TNXB: variants seen among roughly 807,000 people sequenced by gnomAD.
TNXB encodes the protein tenascin-X.
In TNXB, 183 loss-of-function variants were observed where a neutral mutation model predicts 340.5. The ratio of observed to expected loss-of-function variants is 0.54; its 90% CI spans 0.48 to 0.61. TNXB has a LOEUF of 0.61. TNXB is among the 20% of genes least tolerant of loss of function. TNXB has a pLI of 0.00. For synonymous variants in TNXB, 2,121 were observed against 2,314.5 expected (o/e 0.92, Z 2.40); for missense variants, 4,613 against 5,446.4 (o/e 0.85, Z 4.82).
rs573566455 is a variant in TNXB, at chr6:32,046,608, A to G, written c.10325-152T>C. 3,573 of 619,396 alleles carry G rather than the reference A, an allele frequency of 5.8e-3. 32 individuals are homozygous for G. The highest frequency in any genetic ancestry group is 8.3e-3 in the Non-Finnish European group (3,188 of 384,442). 38.4% of individuals were successfully genotyped at this position (619,396 alleles called of 1,614,324 possible). On this transcript the variant is annotated intron_variant, in intron 30 of 43. Transcript: ENST00000644971. This position sits in a 1 kb window ranked among gnomAD's most constrained non-coding sequence, Gnocchi z 6.9. ...GGAGACACACAGGCCTGCTCCCGCCATGCCCCACAGGAATGAGGGAGAACA... is the reference window on the plus strand; with the variant it reads ...GGAGACACACAGGCCTGCTCCCGCCGTGCCCCACAGGAATGAGGGAGAACA...
chr6:32,082,143 C>T lies in TNXB; in HGVS notation c.3629G>A (p.Arg1210His), dbSNP rs1194335452. ...PQVVPVEGPE[R>H]SFVVSSLDPD... ...GTCCAGTGAGGAGACAACAAATGAACGCTCGGGCCCTTCCACAGGTACCAC... is the reference window on the plus strand; with the variant it reads ...GTCCAGTGAGGAGACAACAAATGAATGCTCGGGCCCTTCCACAGGTACCAC... Residue 1210 changes from arginine to histidine, a missense_variant, in exon 9 of 44, where the codon CGT becomes CAT. Physicochemically the swap from Arg to His is conservative, Grantham distance 29 (BLOSUM62 0). Coordinates refer to ENST00000644971, the MANE Select transcript of TNXB (RefSeq NM_001365276.2). This position sits in a 1 kb window ranked among gnomAD's most constrained non-coding sequence, Gnocchi z 5.0. 9.9e-6 allele frequency: 16 copies of T among 1,611,658 alleles called. No homozygotes were observed. Among genetic ancestry groups the T allele is most frequent in the African/African-American group, 2.7e-5 (2 of 75,000 alleles).
intron 6 of TNXB, 57 bp downstream of exon 6, chr6:32,088,728 G>A (rs1174177888): frequency 1.3e-6 from 2 of 1,530,662 alleles, no homozygotes; most frequent in Non-Finnish European, 1.8e-6. Flanking sequence ...GGCTCCTGAG[G>A]AGGAGGATCC....
Position 32,087,234 on chromosome 6 carries a change from GC to G in TNXB, c.2780-1117del. The G allele has an allele frequency of 2.0e-6, 1 of 496,764 alleles. No homozygotes were observed. Among genetic ancestry groups the G allele is most frequent in the Admixed American group, 2.1e-5 (1 of 48,022 alleles). 30.8% of individuals were successfully genotyped at this position (496,764 alleles called of 1,614,324 possible). A position where few individuals can be genotyped will look rare whatever the true frequency, so the allele number is the denominator to read the frequency against. On this transcript the variant is annotated intron_variant, in intron 6 of 43. Transcript: ENST00000644971. This position sits in a 1 kb window ranked among gnomAD's most constrained non-coding sequence, Gnocchi z 9.0. ...CTGGACAAGGGATAGGTGTCCCGTG[GC>G]CCCAGCCCACACTACCTGTGGTGGT... is the stretch of plus-strand genomic sequence containing the variant.
Position 32,097,071 on chromosome 6 carries a change from C to T in TNXB, c.782G>A (p.Gly261Asp), listed in dbSNP as rs1780446308. 1 of 1,612,804 alleles carries T rather than the reference C, an allele frequency of 6.2e-7. No individual in the cohort carries two copies. The highest frequency in any genetic ancestry group is 8.5e-7 in the Non-Finnish European group (1 of 1,179,494). ...RGCSQRGRCEGGRCVCDPGYT... is the reference protein window; with the variant it reads ...RGCSQRGRCEDGRCVCDPGYT... The stretch of plus-strand genomic sequence containing the variant: ...GCCTGGGTCACACACGCAGCGCCCA[C>T]CCTCACAGCGTCCCCTCTGGCTGCA... The change falls in exon 3 of 44, where the codon GGT becomes GAT. Residue 261 changes from glycine to aspartate, a missense_variant. Physicochemically the swap from Gly to Asp is moderately conservative, Grantham distance 94 (BLOSUM62 -1). Around this residue, in one of 7 missense-constraint regions of TNXB, gnomAD observed 4,327 missense variants for 4,859.4 expected, o/e 0.89. Coordinates refer to ENST00000644971, the MANE Select transcript of TNXB (RefSeq NM_001365276.2). The surrounding 1 kb of genome is among the most constrained non-coding windows in gnomAD (Gnocchi z 5.9).
intron 24 of TNXB, among the ~76,000 whole-genome samples, chr6:32,054,531 C>T (rs962278448): frequency 6.6e-6 from 1 of 152,224 alleles, no homozygotes; most frequent in African/African-American, 2.4e-5. Context: ...GATGATTTGA[C>T]ATGCTTCACT....
Position 32,052,841 on chromosome 6 carries a change from A to C in TNXB, c.8944T>G (p.Phe2982Val), listed in dbSNP as rs764048649. Residue 2982 changes from phenylalanine (F) to valine (V), a missense_variant, in exon 26 of 44, where the codon TTC becomes GTC. Physicochemically the swap from Phe to Val is conservative, Grantham distance 50. This residue lies in a region of TNXB where 4,327 missense variants were observed against 4,859.4 expected (regional missense o/e 0.89). Coordinates refer to ENST00000644971, the MANE Select transcript of TNXB (RefSeq NM_001365276.2). This position sits in a 1 kb window ranked among gnomAD's most constrained non-coding sequence, Gnocchi z 4.7. Reference sequence around the variant, plus strand: ...TCCCTGTCCTTGTACTGCACAGTGAAGGAGTCGAAGCGGCCCTGGGGGATG... The same window carrying C: ...TCCCTGTCCTTGTACTGCACAGTGACGGAGTCGAAGCGGCCCTGGGGGATG... ...WTIPQGRFDS[F>V]TVQYKDRDGR... 1 of 1,613,548 alleles carries C rather than the reference A, an allele frequency of 6.2e-7. No individual in the cohort carries two copies. Among genetic ancestry groups the C allele is most frequent in the South Asian group, 1.1e-5 (1 of 91,082 alleles).
rs756122104 is a variant in TNXB at position 32,053,674 on chromosome 6, G to A, written c.8505C>T (p.Pro2835=). ...TGTTGGGGGGCTCAGGGGTTGTGGTGGGCACTGCTTGGGTGGTCTCTGCTT... is the reference window on the plus strand; with the variant it reads ...TGTTGGGGGGCTCAGGGGTTGTGGTAGGCACTGCTTGGGTGGTCTCTGCTT... The part of the protein sequence containing the change: ...EDEAETTQAV[P]TTTPEPPNKP... Residue 2835 remains proline (P), a synonymous_variant, in exon 25 of 44, where the codon CCC becomes CCT. Transcript: ENST00000644971. 16 of 1,613,034 alleles carry A rather than the reference G, an allele frequency of 9.9e-6. No individual in the cohort carries two copies. Among genetic ancestry groups the A allele is most frequent in the African/African-American group, 5.3e-5 (4 of 74,878 alleles).
In TNXB at chr6:32,058,404, T is replaced by A. The variant is rs1777813704; in HGVS notation, c.7493-14A>T. On this transcript the variant is annotated splice_polypyrimidine_tract_variant and intron_variant, in intron 21 of 43. Coordinates refer to ENST00000644971, the MANE Select transcript of TNXB (RefSeq NM_001365276.2). This position sits in a 1 kb window ranked among gnomAD's most constrained non-coding sequence, Gnocchi z 5.1. ...CCTCTTGTGGGGCTGAAAGGTAATA[T>A]AGGGGGATACAGAGTTTAAGGGTTT... 1 of 1,579,932 alleles carries A rather than the reference T, an allele frequency of 6.3e-7. No homozygotes were observed. The highest frequency in any genetic ancestry group is 2.2e-5 in the East Asian group (1 of 44,478).
chr6:32,107,163 C>T (rs1367702775), intron 1 of TNXB, among the ~76,000 whole-genome samples: 2 of 152,218 alleles, frequency 1.3e-5, no homozygotes, highest in Non-Finnish European at 2.9e-5. Flanking sequence ...GCAGCGGACA[C>T]ATGGCCTCCA....
chr6:32,098,716 G>A (rs1780559729), intron 1 of TNXB, among the ~76,000 whole-genome samples: 1 of 152,180 alleles, frequency 6.6e-6, no homozygotes, highest in Non-Finnish European at 1.5e-5. Context: ...CTAACCTCAG[G>A]TGATCTGCTC....
chr6:32,088,931 C>T lies in TNXB; in HGVS notation c.2633G>A (p.Gly878Asp), dbSNP rs201647307. The T allele has an allele frequency of 1.4e-3, 2,213 of 1,603,484 alleles. 3 individuals are homozygous for T. The highest frequency in any genetic ancestry group is 1.8e-3 in the Non-Finnish European group (2,097 of 1,175,300). The stretch of plus-strand genomic sequence containing the variant: ...CACTTCCAGCCTCACCCTCTGGTTG[C>T]CGGCACTGACGTAGGACACCACAAA... Reference protein sequence around the residue: ...DRFVVSYVSAGNQRVRLEVPP... With the variant: ...DRFVVSYVSADNQRVRLEVPP... The change falls in exon 6 of 44, where the codon GGC becomes GAC. Residue 878 changes from glycine to aspartate, a missense_variant. Gly to Asp is a moderately conservative substitution (Grantham distance 94). Coordinates refer to ENST00000644971, the MANE Select transcript of TNXB (RefSeq NM_001365276.2).
In TNXB at chr6:32,050,129, G is replaced by A. The variant is rs200191925; in HGVS notation, c.9308C>T (p.Ala3103Val). 4.4e-5 allele frequency: 71 copies of A among 1,613,602 alleles called. No individual in the cohort carries two copies. The highest frequency in any genetic ancestry group is 1.6e-4 in the East Asian group (7 of 44,892). ...GTCCTCGTGCCCCGGCACCCGCACC[G>A]CCTTGGGCTGCCCATCCCCATTCCT... ...QYRNGDGQPK[A>V]VRVPGHEDGV... Residue 3103 changes from alanine to valine, a missense_variant, in exon 27 of 44, where the codon GCG becomes GTG. Ala to Val is a moderately conservative substitution (Grantham distance 64). Around this residue, in one of 7 missense-constraint regions of TNXB, gnomAD observed 4,327 missense variants for 4,859.4 expected, o/e 0.89. Transcript: ENST00000644971.
chr6:32,093,827 T>C (rs775055906), intron 4 of TNXB, among the ~76,000 whole-genome samples: 3 of 152,096 alleles, frequency 2.0e-5, no homozygotes, highest in Non-Finnish European at 4.4e-5. Flanking sequence ...TGGTGGCTCA[T>C]GCCTGTAATC....
At chr6:32,102,938 A>G (rs145796251) in intron 1 of TNXB, among the ~76,000 whole-genome samples, 5 of 152,056 alleles carry the variant, frequency 3.3e-5, no homozygotes, top group Admixed American at 6.6e-5. Flanking sequence ...ACAAAAAAAC[A>G]AACAAAAACA....
At position 32,049,348 on chromosome 6, in the gene TNXB, C is replaced by T. The variant is rs752152483; in HGVS notation, c.9679G>A (p.Gly3227Arg). The change falls in exon 28 of 44, where the codon GGG (glycine) becomes AGG (arginine). Residue 3227 changes from glycine (G) to arginine (R), a missense_variant. Around this residue, in one of 7 missense-constraint regions of TNXB, gnomAD observed 4,327 missense variants for 4,859.4 expected, o/e 0.89. Transcript: ENST00000644971. This position sits in a 1 kb window ranked among gnomAD's most constrained non-coding sequence, Gnocchi z 4.5. ...SEVTVGGLEPGRKYKMHLYGL... is the reference protein window; with the variant it reads ...SEVTVGGLEPRRKYKMHLYGL... ...TACAGATGCATCTTGTATTTGCGCCCGGGCTCCAGGCCCCCCACGGTGACC... is the reference window on the plus strand; with the variant it reads ...TACAGATGCATCTTGTATTTGCGCCTGGGCTCCAGGCCCCCCACGGTGACC... The T allele has an allele frequency of 3.3e-5, 54 of 1,612,340 alleles. No homozygotes were observed. Among genetic ancestry groups the T allele is most frequent in the Non-Finnish European group, 4.2e-5 (50 of 1,179,856 alleles).
intron 1 of TNXB, among the ~76,000 whole-genome samples, chr6:32,101,587 CCTTT>C (rs1780726393): frequency 7.6e-6 from 1 of 131,894 alleles, no homozygotes; most frequent in Non-Finnish European, 1.6e-5. Context: ...CCGCACCCAG[CCTTT>C]TTTTTTTTTT....
Position 32,096,323 on chromosome 6 carries a change from G to A in TNXB, c.1530C>T (p.Gly510=), listed in dbSNP as rs377075950. The change falls in exon 3 of 44, where the codon GGC becomes GGT. Residue 510 remains glycine (G), a synonymous_variant. Coordinates refer to ENST00000644971, the MANE Select transcript of TNXB (RefSeq NM_001365276.2). ...DCRGRGRCVD[G]RCVCNPGFTG... ...TGAAGCCCGGGTTGCACACGCAGCG[G>A]CCATCCACGCAGCGCCCGCGCCCGC... 1.5e-4 allele frequency: 235 copies of A among 1,548,306 alleles called. No individual in the cohort carries two copies. Among genetic ancestry groups the A allele is most frequent in the Non-Finnish European group, 1.9e-4 (223 of 1,152,390 alleles).
chr6:32,086,108 G>GGGTCTTGGGGAAGGGGCAA lies in TNXB; in HGVS notation c.2789_2790insTTGCCCCTTCCCCAAGACC (p.Leu931CysfsTer15). 1.3e-6 allele frequency: 2 copies of GGGTCTTGGGGAAGGGGCAA among 1,525,232 alleles called. No homozygotes were observed. The highest frequency in any genetic ancestry group is 1.8e-6 in the Non-Finnish European group (2 of 1,133,342). The allele number at this position is 1,525,232 out of a possible 1,614,324, so 94.5% of individuals were successfully genotyped here. ...CATCGGTAGTCCCCAAGAGGCCCAAGGGTGAGGACCCTGGGAAGGGGCAGG... is the reference window on the plus strand; with the variant it reads ...CATCGGTAGTCCCCAAGAGGCCCAAGGGTCTTGGGGAAGGGGCAAGGTGAGGACCCTGGGAAGGGGCAGG... On this transcript the variant is annotated frameshift_variant, in exon 7 of 44. Coordinates refer to ENST00000644971, the MANE Select transcript of TNXB (RefSeq NM_001365276.2). LOFTEE classifies it high-confidence loss of function.
rs1463210218 is a variant in TNXB, at chr6:32,065,683, G to A, written c.6545-566C>T. Among the ~76,000 whole-genome samples the A allele has an allele frequency of 2.0e-5, 3 of 152,082 alleles. No individual in the cohort carries two copies. In the South Asian group the frequency reaches 6.2e-4, roughly 32 times the overall value. ...CACCCAGGCTGGAGTGCAGTGGCGC[G>A]ATCTTGGCTCACTGCAACCTCCACC... On this transcript the variant is annotated intron_variant, in intron 18 of 43. Coordinates refer to ENST00000644971, the MANE Select transcript of TNXB (RefSeq NM_001365276.2).
Sources: allele counts gnomAD v4.1 joint callset (sites outside exome capture counted in the v4.1 genomes callset), GRCh38; gene constraint gnomAD v4.1.1; regional missense constraint gnomAD v4.1.1; non-coding constraint Gnocchi (gnomAD v3.1); transcripts MANE v1.5; gene names NCBI Gene and HGNC (gene_info 2026-07-23, HGNC 2026-07-21).